The following ENOX1 variants were observed in gnomAD, a reference collection of about 807,000 sequenced individuals.
The protein encoded by ENOX1 is ecto-NOX disulfide-thiol exchanger 1, also known as candidate growth-related and time keeping constitutive hydroquinone (NADH) oxidase.
Under a neutral mutation model 82.5 loss-of-function variants are expected in ENOX1, and 42 were observed. The ratio of observed to expected loss-of-function variants is 0.51; its 90% CI spans 0.40 to 0.66. The LOEUF (loss-of-function observed/expected upper bound fraction) is 0.66. Ranked by LOEUF, ENOX1 falls within the 30% of genes least tolerant of loss-of-function variation. ENOX1 has a pLI of 0.00. For missense variants in ENOX1, 608 were observed against 811.6 expected, an observed-to-expected ratio of 0.75 and a Z score of 3.05; for synonymous variants, 271 against 282.2, an observed-to-expected ratio of 0.96 and a Z score of 0.40.
chr13:43,234,090 A>T (rs1446685024), intron 15 of ENOX1, among the ~76,000 whole-genome samples: 2 of 152,170 alleles, frequency 1.3e-5, no homozygotes, highest in Non-Finnish European at 2.9e-5. Context: ...CAGAAGCTTC[A>T]GGGGAGCTCT....
chr13:43,507,742 G>C (rs1350079901), intron 2 of ENOX1, among the ~76,000 whole-genome samples: 1 of 151,974 alleles, frequency 6.6e-6, no homozygotes, highest in East Asian at 1.9e-4. Context: ...TGGGACAGAG[G>C]GAGGTATCTA....
intron 15 of ENOX1, among the ~76,000 whole-genome samples, chr13:43,229,486 G>C (rs1387516314): frequency 6.6e-6 from 1 of 152,162 alleles, no homozygotes; most frequent in African/African-American, 2.4e-5. Context: ...TGTGTTTAGA[G>C]GTAGGTGGGG....
chr13:43,473,702 A>G (rs528015729), intron 3 of ENOX1, among the ~76,000 whole-genome samples: 1 of 152,280 alleles, frequency 6.6e-6, no homozygotes, highest in Non-Finnish European at 1.5e-5. Flanking sequence ...ATTTTGGGTT[A>G]ATAGGGAAGA....
intron 2 of ENOX1, among the ~76,000 whole-genome samples, chr13:43,542,383 C>A (rs1391792832): frequency 6.6e-6 from 1 of 151,190 alleles, no homozygotes; most frequent in African/African-American, 2.4e-5. Flanking sequence ...CCACCCACCT[C>A]AGACTCCCAA....
chr13:43,487,495 A>C (rs920331221), intron 2 of ENOX1, among the ~76,000 whole-genome samples: 3 of 152,254 alleles, frequency 2.0e-5, no homozygotes, highest in Admixed American at 2.0e-4. Context: ...TAACCTAACA[A>C]CACAGCCAGG....
At chr13:43,525,052 C>A (rs577465624) in intron 2 of ENOX1, among the ~76,000 whole-genome samples, 4 of 152,210 alleles carry the variant, frequency 2.6e-5, no homozygotes, top group East Asian at 1.9e-4. Context: ...ATCAACTACT[C>A]CTTCACATTT....
intron 3 of ENOX1, among the ~76,000 whole-genome samples, chr13:43,455,416 G>T (rs1197599122): frequency 6.6e-6 from 1 of 152,110 alleles, no homozygotes; most frequent in Non-Finnish European, 1.5e-5. Context: ...GAGCTAATGA[G>T]AATCTTTTCT....
chr13:43,676,453 C>A (rs1205769488), intron 1 of ENOX1, among the ~76,000 whole-genome samples: 1 of 152,120 alleles, frequency 6.6e-6, no homozygotes, highest in Non-Finnish European at 1.5e-5. Context: ...TCCCTCAGAG[C>A]TGTGAGGACT....
intron 14 of ENOX1, among the ~76,000 whole-genome samples, chr13:43,263,485 G>C (rs889441616): frequency 2.0e-5 from 3 of 152,192 alleles, no homozygotes; most frequent in African/African-American, 4.8e-5. Flanking sequence ...CAAAGACCTC[G>C]AAGATTATCT....
At chr13:43,756,468 G>A (rs972359744) in intron 1 of ENOX1, among the ~76,000 whole-genome samples, 2 of 137,534 alleles carry the variant, frequency 1.5e-5, no homozygotes, top group Non-Finnish European at 3.2e-5. Context: ...GTGAGGAGGG[G>A]AGGGGAGGGG....
intron 8 of ENOX1, among the ~76,000 whole-genome samples, chr13:43,346,488 G>C (rs1373706685): frequency 6.6e-6 from 1 of 152,180 alleles, no homozygotes; most frequent in Non-Finnish European, 1.5e-5. Context: ...GTGAATGACA[G>C]ACTCAAGTTT....
At chr13:43,356,843 A>G (rs2050191277) in intron 7 of ENOX1, among the ~76,000 whole-genome samples, 1 of 152,164 alleles carries the variant, frequency 6.6e-6, no homozygotes, top group South Asian at 2.1e-4. Context: ...ACAGCCCTGC[A>G]GCACCTCATC....
At chr13:43,716,167 G>GT (rs966372159) in intron 1 of ENOX1, among the ~76,000 whole-genome samples, 42 of 152,310 alleles carry the variant, frequency 2.8e-4, no homozygotes, top group African/African-American at 9.4e-4. Flanking sequence ...TTTCTGCTCT[G>GT]TTTTTTCCCC....
chr13:43,253,690 T>G (rs967268865), intron 14 of ENOX1, among the ~76,000 whole-genome samples: 15 of 152,194 alleles, frequency 9.9e-5, no homozygotes, highest in African/African-American at 3.6e-4. Flanking sequence ...CATACAGAAC[T>G]AAGAGGAAGG....
intron 2 of ENOX1, among the ~76,000 whole-genome samples, chr13:43,614,207 A>G (rs2082311728): frequency 6.6e-6 from 1 of 152,196 alleles, no homozygotes; most frequent in South Asian, 2.1e-4. Context: ...AGAGCACCAT[A>G]TCAGGGTTAC....
chr13:43,580,044 T>G (rs1430792351), intron 2 of ENOX1, among the ~76,000 whole-genome samples: 1 of 152,048 alleles, frequency 6.6e-6, no homozygotes, highest in African/African-American at 2.4e-5. Flanking sequence ...TCATGCCTTT[T>G]TAAAAAAGAA....
chr13:43,339,473 T>C (rs2048931961), intron 9 of ENOX1, among the ~76,000 whole-genome samples: 3 of 152,228 alleles, frequency 2.0e-5, no homozygotes. Flanking sequence ...TACCATGCTT[T>C]GAATTCTGCA....
At chr13:43,646,532 G>A (rs879776018) in intron 2 of ENOX1, among the ~76,000 whole-genome samples, 33 of 152,182 alleles carry the variant, frequency 2.2e-4, no homozygotes, top group African/African-American at 7.0e-4. Context: ...GAAGACAAGC[G>A]CAGGAGTCTT....
chr13:43,265,872 T>C (rs1453608439), intron 13 of ENOX1, among the ~76,000 whole-genome samples: 1 of 152,236 alleles, frequency 6.6e-6, no homozygotes, highest in African/African-American at 2.4e-5. Flanking sequence ...CATTTTCAGC[T>C]GCTTTTAACA....
Sources: gnomAD v4.1 joint callset for allele counts (sites outside exome capture counted in the v4.1 genomes callset) on GRCh38, gnomAD v4.1.1 for gene constraint, MANE v1.5 for transcripts, NCBI Gene and HGNC (gene_info 2026-07-23, HGNC 2026-07-21) for gene names.